TM9SF4: variants seen among roughly 807,000 people sequenced by gnomAD.
TM9SF4 encodes the protein transmembrane 9 superfamily member 4, also known as dinucleotide oxidase disulfide thiol exchanger 3 superfamily member 4.
A neutral mutation model predicts 90.4 loss-of-function variants in TM9SF4; 26 were observed. The observed-to-expected ratio is 0.29, with a 90% CI of 0.21 to 0.40. The LOEUF (loss-of-function observed/expected upper bound fraction) is 0.40. Among genes scored for constraint, TM9SF4 ranks in the 10% least tolerant of loss-of-function variants. The pLI, the probability that TM9SF4 is intolerant of heterozygous loss-of-function variation, is 1.00. For synonymous variants in TM9SF4, 293 were observed against 315.4 expected (o/e 0.93, Z 0.75); for missense variants, 549 against 834.8 (o/e 0.66, Z 4.22).
intron 17 of TM9SF4, among the ~76,000 whole-genome samples, chr20:32,162,737 A>G (rs1298484237): frequency 6.6e-6 from 1 of 152,176 alleles, no homozygotes; most frequent in African/African-American, 2.4e-5. Flanking sequence ...TGTGACTTCC[A>G]TCTTTAGACC....
chr20:32,149,560 T>C, intron 9 of TM9SF4, 74 bp from the exon 10 acceptor site: 1 of 1,606,142 alleles, frequency 6.2e-7, no homozygotes, highest in Non-Finnish European at 8.5e-7. Context: ...GTGTCAGCTG[T>C]CACCTTGGGG....
At chr20:32,112,298 C>G (rs981755342) in intron 1 of TM9SF4, among the ~76,000 whole-genome samples, 5 of 152,136 alleles carry the variant, frequency 3.3e-5, no homozygotes, top group African/African-American at 1.2e-4. Context: ...ACCTGTAGTA[C>G]CAGCTACTTG....
At chr20:32,146,434 C>T (rs1244008392) in intron 8 of TM9SF4, among the ~76,000 whole-genome samples, 1 of 152,098 alleles carries the variant, frequency 6.6e-6, no homozygotes, top group East Asian at 1.9e-4. Context: ...CAGGAGCCAA[C>T]TGAAGCAGCA....
intron 3 of TM9SF4, among the ~76,000 whole-genome samples, chr20:32,138,800 T>C (rs1569076915): frequency 1.3e-5 from 2 of 152,178 alleles, no homozygotes; most frequent in African/African-American, 4.8e-5. Context: ...TAGCTCTTTC[T>C]CTCCTCAAGC....
intron 1 of TM9SF4, chr20:32,116,360 C>T (rs1450992485): frequency 1.3e-5 from 2 of 152,184 alleles, no homozygotes; most frequent in African/African-American, 4.8e-5. Flanking sequence ...GCTATCTAAG[C>T]CTGCTGCTTG....
At chr20:32,135,017 T>C (rs2046575130) in intron 2 of TM9SF4, among the ~76,000 whole-genome samples, 1 of 152,188 alleles carries the variant, frequency 6.6e-6, no homozygotes, top group Non-Finnish European at 1.5e-5. Context: ...ATTCCAAAAA[T>C]CTTTTTTACT....
At chr20:32,148,543 TC>T (rs1348576022) in intron 9 of TM9SF4, among the ~76,000 whole-genome samples, 1 of 151,682 alleles carries the variant, frequency 6.6e-6, no homozygotes, top group East Asian at 1.9e-4. Flanking sequence ...CATAGGGAGA[TC>T]CTACCTCAAC....
intron 1 of TM9SF4, chr20:32,116,367 C>T (rs2046222796): frequency 6.6e-6 from 1 of 152,236 alleles, no homozygotes; most frequent in African/African-American, 2.4e-5. Flanking sequence ...AAGCCTGCTG[C>T]TTGGGCTAGC....
In TM9SF4 at chr20:32,161,309, T is replaced by G; in HGVS notation, c.1723T>G (p.Ser575Ala). 6.2e-7 allele frequency: 1 copy of G among 1,614,022 alleles called. No homozygotes were observed. The highest frequency in any genetic ancestry group is 8.5e-7 in the Non-Finnish European group (1 of 1,180,008). ...YRWWWRNFLV[S>A]GGSAFYVLVY... ...CTGGTGGTGGAGAAATTTCCTAGTC[T>G]CCGGGGGCTCTGCATTCTACGTCCT... Residue 575 changes from serine (S) to alanine (A), a missense_variant, in exon 17 of 18, where the codon TCC (serine) becomes GCC (alanine). Transcript: ENST00000398022.
chr20:32,123,821 C>T (rs1025189480), intron 1 of TM9SF4, among the ~76,000 whole-genome samples: 1 of 143,828 alleles, frequency 7.0e-6, no homozygotes, highest in African/African-American at 2.6e-5. Context: ...TTGGATAGCT[C>T]TCTAGCTCAC....
At chr20:32,133,717 T>C (rs953743178) in intron 2 of TM9SF4, among the ~76,000 whole-genome samples, 1 of 152,174 alleles carries the variant, frequency 6.6e-6, no homozygotes, top group African/African-American at 2.4e-5. Context: ...AGATTTCCTA[T>C]TCATTTTACA....
At position 32,141,874 on chromosome 20, in the gene TM9SF4, C is replaced by G. The variant is rs148732332; in HGVS notation, c.507C>G (p.Leu169=). The G allele has an allele frequency of 6.2e-7, 1 of 1,614,102 alleles. No individual in the cohort carries two copies. Among genetic ancestry groups the G allele is most frequent in the Non-Finnish European group, 8.5e-7 (1 of 1,180,010 alleles). The change falls in exon 5 of 18, where the codon CTC becomes CTG. Residue 169 remains leucine, a synonymous_variant. Coordinates refer to ENST00000398022, the MANE Select transcript of TM9SF4 (RefSeq NM_014742.4). ...KDVQFEHGYR[L]GFTDVNKIYL... ...TGCAGTTTGAACACGGCTACCGGCT[C>G]GGCTTCACAGATGTCAACAAGGTAG...
intron 16 of TM9SF4, 67 bp from the exon 17 acceptor site, chr20:32,161,209 A>G (rs1215194922): frequency 3.6e-6 from 5 of 1,377,172 alleles, no homozygotes; most frequent in East Asian, 2.3e-5. Context: ...CCCTCAAGCA[A>G]CTGTGAAATT....
chr20:32,109,836 G>A (rs2046113778), intron 1 of TM9SF4, 81 bp downstream of exon 1: 9 of 1,547,800 alleles, frequency 5.8e-6, no homozygotes, highest in South Asian at 4.8e-5. Context: ...CCCCATGCCT[G>A]GCCCTGAGCC....
rs760563426 is a variant in TM9SF4, at chr20:32,150,647, G to C, written c.1113G>C (p.Ser371=). The C allele has an allele frequency of 3.1e-6, 5 of 1,614,048 alleles. 1 individual carries two copies. In the South Asian group the frequency reaches 5.5e-5, roughly 18 times the overall value. The change falls in exon 11 of 18, where the codon TCG becomes TCC. Residue 371 remains serine, a synonymous_variant. Coordinates refer to ENST00000398022, the MANE Select transcript of TM9SF4 (RefSeq NM_014742.4). ...TTGTAGCCATGCTTGGGATGCTGTC[G>C]CCCTCCAGCCGGGGAGCTCTCATGA... The part of the protein sequence containing the change: ...VIFVAMLGML[S]PSSRGALMTT...
intron 1 of TM9SF4, among the ~76,000 whole-genome samples, chr20:32,132,185 C>T (rs2046527128): frequency 6.6e-6 from 1 of 152,074 alleles, no homozygotes; most frequent in South Asian, 2.1e-4. Context: ...GGGCAGATCA[C>T]CTGAGGTCAG....
At chr20:32,129,669 C>T (rs2122363749) in intron 1 of TM9SF4, among the ~76,000 whole-genome samples, 1 of 149,230 alleles carries the variant, frequency 6.7e-6, no homozygotes, top group East Asian at 2.0e-4. Context: ...ACTGCAACTT[C>T]CGCCTCCCGG....
chr20:32,137,082 A>G, intron 3 of TM9SF4: 1 of 454,532 alleles, frequency 2.2e-6, no homozygotes, highest in East Asian at 7.0e-5. Flanking sequence ...CCTAATACCA[A>G]CTGTGCCGAA....
At chr20:32,125,171 C>T (rs1272851572) in intron 1 of TM9SF4, among the ~76,000 whole-genome samples, 3 of 152,110 alleles carry the variant, frequency 2.0e-5, no homozygotes, top group Non-Finnish European at 4.4e-5. Context: ...CTGCATCTCC[C>T]TTGCAGTGTC....
Sources: gnomAD v4.1 joint callset for allele counts (sites outside exome capture counted in the v4.1 genomes callset) on GRCh38, gnomAD v4.1.1 for gene constraint, MANE v1.5 for transcripts, NCBI Gene and HGNC (gene_info 2026-07-23, HGNC 2026-07-21) for gene names.